The following MICAL3 variants were observed in gnomAD, a reference collection of about 807,000 sequenced individuals.
MICAL3 encodes the protein [F-actin]-monooxygenase MICAL3.
In MICAL3, 62 loss-of-function variants were observed where a neutral mutation model predicts 207.4. The ratio of observed to expected loss-of-function variants is 0.30; its 90% confidence interval spans 0.24 to 0.37. The LOEUF (loss-of-function observed/expected upper bound fraction) is 0.37. Among genes scored for constraint, MICAL3 ranks in the 10% least tolerant of loss-of-function variants. The pLI, the probability that MICAL3 is intolerant of heterozygous loss-of-function variation, is 1.00. For synonymous variants in MICAL3, 1,077 were observed against 1,069.3 expected (o/e 1.01, Z -0.14); for missense variants, 2,368 against 2,635.6 (o/e 0.90, Z 2.22).
At chr22:17,950,749 T>C (rs1934307100) in intron 1 of MICAL3, among the ~76,000 whole-genome samples, 1 of 152,012 alleles carries the variant, frequency 6.6e-6, no homozygotes. Context: ...TGAGAATGAG[T>C]TCGGGGGAGG....
intron 17 of MICAL3, among the ~76,000 whole-genome samples, chr22:17,866,858 A>G (rs1213956216): frequency 6.6e-6 from 1 of 152,212 alleles, no homozygotes; most frequent in African/African-American, 2.4e-5. Context: ...TAACCCACGC[A>G]GTCATTTTTT....
chr22:18,000,903 C>T (rs1922902465), intron 1 of MICAL3, among the ~76,000 whole-genome samples: 1 of 152,198 alleles, frequency 6.6e-6, no homozygotes, highest in Non-Finnish European at 1.5e-5. Flanking sequence ...CAGGACCCGG[C>T]GGAGCCTCGG....
chr22:17,931,717 C>T (rs1933274089), intron 1 of MICAL3, among the ~76,000 whole-genome samples: 2 of 152,216 alleles, frequency 1.3e-5, no homozygotes, highest in South Asian at 4.1e-4. Context: ...ACAGATCCAG[C>T]CTGTGGCATT....
At chr22:17,807,364 C>T (rs533358902) in intron 29 of MICAL3, among the ~76,000 whole-genome samples, 12 of 152,356 alleles carry the variant, frequency 7.9e-5, no homozygotes, top group African/African-American at 1.9e-4. Context: ...ACCGCAGGTT[C>T]GCTGGGAAAC....
At chr22:17,925,912 T>G (rs1366899893) in intron 1 of MICAL3, among the ~76,000 whole-genome samples, 1 of 152,114 alleles carries the variant, frequency 6.6e-6, no homozygotes, top group Non-Finnish European at 1.5e-5. Flanking sequence ...CTGTACAAAA[T>G]GACAGGCTGT....
intron 1 of MICAL3, among the ~76,000 whole-genome samples, chr22:17,959,010 G>GTTTTT (rs34107784): frequency 5.9e-4 from 51 of 85,862 alleles, no homozygotes; most frequent in East Asian, 3.4e-3. Flanking sequence ...CGGGCCTGGG[G>GTTTTT]TTTTTTTTTT....
At chr22:17,918,280 T>C (rs915943785) in intron 1 of MICAL3, among the ~76,000 whole-genome samples, 1 of 147,854 alleles carries the variant, frequency 6.8e-6, no homozygotes, top group African/African-American at 2.5e-5. Flanking sequence ...GACTGTCTCT[T>C]AAAAAAAAAA....
intron 29 of MICAL3, among the ~76,000 whole-genome samples, chr22:17,795,900 G>C (rs958039083): frequency 2.7e-5 from 4 of 149,730 alleles, no homozygotes; most frequent in African/African-American, 4.9e-5. Context: ...TGCATGGGGC[G>C]GGGGTGGGGG....
chr22:17,858,134 C>T (rs1291251882), intron 19 of MICAL3, among the ~76,000 whole-genome samples: 1 of 152,202 alleles, frequency 6.6e-6, no homozygotes, highest in African/African-American at 2.4e-5. Flanking sequence ...GCCCGCATCC[C>T]CTCCCGGGCA....
intron 19 of MICAL3, among the ~76,000 whole-genome samples, chr22:17,851,845 C>A (rs1925371990): frequency 6.6e-6 from 1 of 152,240 alleles, no homozygotes; most frequent in Non-Finnish European, 1.5e-5. Flanking sequence ...AAGCACTTCA[C>A]TTCACGGTAG....
At position 17,796,211 on chromosome 22, in the gene MICAL3, A is replaced by G. The variant is rs909716955; in HGVS notation, c.5651-4910T>C. On this transcript the variant is annotated intron_variant, in intron 29 of 31. Coordinates refer to ENST00000441493, the MANE Select transcript of MICAL3 (RefSeq NM_015241.3). The surrounding 1 kb of genome is among the most constrained non-coding windows in gnomAD (Gnocchi z 4.4). ...TGCTGCGTCTCCAACACTCGGGGGC[A>G]CATCTGCTCCATCTTTCCCTCTGAA... Among the ~76,000 whole-genome samples, 46 of 152,334 alleles carry G rather than the reference A, an allele frequency of 3.0e-4. No homozygotes were observed. The highest frequency in any genetic ancestry group is 4.4e-4 in the Non-Finnish European group (30 of 68,020).
At chr22:17,958,087 G>A (rs1258394602) in intron 1 of MICAL3, among the ~76,000 whole-genome samples, 1 of 152,160 alleles carries the variant, frequency 6.6e-6, no homozygotes, top group Non-Finnish European at 1.5e-5. Context: ...GTGGACCCCA[G>A]ATGATATAAA....
At chr22:17,875,789 C>A (rs1379353891) in intron 16 of MICAL3, among the ~76,000 whole-genome samples, 2 of 152,156 alleles carry the variant, frequency 1.3e-5, no homozygotes, top group African/African-American at 4.8e-5. Flanking sequence ...AGAGCACACC[C>A]TGGAACGCGG....
At chr22:17,926,419 T>C (rs2146307405) in intron 1 of MICAL3, among the ~76,000 whole-genome samples, 1 of 152,308 alleles carries the variant, frequency 6.6e-6, no homozygotes, top group African/African-American at 2.4e-5. Context: ...TCCTCCGGCT[T>C]TTTATGCCAC....
At chr22:17,945,897 G>A (rs1380504581) in intron 1 of MICAL3, among the ~76,000 whole-genome samples, 4 of 152,278 alleles carry the variant, frequency 2.6e-5, no homozygotes, top group Middle Eastern at 3.4e-3. Context: ...ACTCGGTGGC[G>A]GAAGGGCCAT....
At position 17,874,274 on chromosome 22, in the gene MICAL3, CCTT is replaced by C. The variant is rs141575818; in HGVS notation, c.2242-2254_2242-2252del. 4.0e-3 allele frequency among the ~76,000 whole-genome samples: 602 copies of C among 152,316 alleles called. 1 individual carries two copies. Among genetic ancestry groups the C allele is most frequent in the African/African-American group, 0.014 (579 of 41,560 alleles). On this transcript the variant is annotated intron_variant, in intron 16 of 31. Coordinates refer to ENST00000441493, the MANE Select transcript of MICAL3 (RefSeq NM_015241.3). The stretch of plus-strand genomic sequence containing the variant: ...CAAACACGTGGCTCTCAGATCTAAA[CCTT>C]CTTTAGGGACACTAAAGAAACTGAG...
At chr22:18,022,414 C>T (rs763337836) in intron 1 of MICAL3, among the ~76,000 whole-genome samples, 3 of 147,534 alleles carry the variant, frequency 2.0e-5, no homozygotes, top group Non-Finnish European at 4.5e-5. Flanking sequence ...TACTGCATTC[C>T]GACCTGCACC....
rs1378785962 is a variant in MICAL3, at chr22:17,790,593, A to C, written c.*139T>G. 5.1e-6 allele frequency: 4 copies of C among 785,338 alleles called. No individual in the cohort carries two copies. The highest frequency in any genetic ancestry group is 7.9e-6 in the Non-Finnish European group (4 of 504,390). The allele number at this position is 785,338 out of a possible 1,614,324, so 48.6% of individuals were successfully genotyped here. On this transcript the variant is annotated 3_prime_UTR_variant, in exon 32 of 32. Transcript: ENST00000441493. ...TCCCCACTGCACGCGGGACTCGACC[A>C]CTTTCCAAGCAGCACACGGGCATCT... is the stretch of plus-strand genomic sequence containing the variant.
rs1922859141 is a variant in MICAL3, at chr22:17,831,980, T to A, written c.2929A>T (p.Ser977Cys). 6.2e-7 allele frequency: 1 copy of A among 1,601,552 alleles called. No homozygotes were observed. The highest frequency in any genetic ancestry group is 8.5e-7 in the Non-Finnish European group (1 of 1,174,266). ...VRIHALLKGKSEEELEASKSF... is the reference protein window; with the variant it reads ...VRIHALLKGKCEEELEASKSF... ...TTTGAGGCCTCTAGCTCCTCTTCAC[T>A]TTTCCCTTTCAGAAGGGCATGGATC... The change falls in exon 21 of 32, where the codon AGT (serine) becomes TGT (cysteine). Residue 977 changes from serine (S) to cysteine (C), a missense_variant. Physicochemically the swap from Ser to Cys is moderately radical, Grantham distance 112. This residue lies in a region of MICAL3 where 1,770 missense variants were observed against 1,863.2 expected (regional missense o/e 0.95). Coordinates refer to ENST00000441493, the MANE Select transcript of MICAL3 (RefSeq NM_015241.3).
Sources: gnomAD v4.1 joint callset for allele counts (sites outside exome capture counted in the v4.1 genomes callset) on GRCh38, gnomAD v4.1.1 for gene constraint, gnomAD v4.1.1 regional missense constraint, Gnocchi (gnomAD v3.1) non-coding constraint, MANE v1.5 for transcripts, NCBI Gene and HGNC (gene_info 2026-07-23, HGNC 2026-07-21) for gene names.